CLCN5: variants seen among roughly 807,000 people sequenced by gnomAD.
CLCN5 encodes the protein H(+)/Cl(-) exchange transporter 5.
Under a neutral mutation model 54.0 loss-of-function variants are expected in CLCN5, and 17 were observed. That is an observed-to-expected ratio of 0.31 (90% confidence interval 0.22 to 0.47). The LOEUF (loss-of-function observed/expected upper bound fraction) is 0.47. Among genes scored for constraint, CLCN5 ranks in the 20% least tolerant of loss-of-function variants. The pLI is 1.00. For synonymous variants in CLCN5, 222 were observed against 233.0 expected, an observed-to-expected ratio of 0.95 and a Z score of 0.43; for missense variants, 448 against 646.7, an observed-to-expected ratio of 0.69 and a Z score of 3.33.
chrX:50,075,712 T>A (rs887332237), intron 6 of CLCN5, 83 bp from the exon 7 acceptor site: 5 of 888,281 alleles, frequency 5.6e-6, no homozygotes, highest in Non-Finnish European at 6.7e-6. Context: ...TCATTTTCTC[T>A]GACAAAGCTT....
At chrX:49,929,517 A>C (rs782592318) in intron 3 of CLCN5, among the ~76,000 whole-genome samples, 51 of 112,007 alleles carry the variant, frequency 4.6e-4, no homozygotes, top group Non-Finnish European at 8.1e-4. Flanking sequence ...AATGGAACTT[A>C]AGAACCAGGA....
chrX:50,047,896 T>C (rs782736248), intron 4 of CLCN5, among the ~76,000 whole-genome samples: 1 of 112,242 alleles, frequency 8.9e-6, no homozygotes, highest in African/African-American at 3.2e-5. Flanking sequence ...ATATGACTTA[T>C]CACTGTTGAT....
intron 3 of CLCN5, among the ~76,000 whole-genome samples, chrX:50,008,251 T>C (rs1354708293): frequency 8.9e-6 from 1 of 112,530 alleles, no homozygotes; most frequent in Non-Finnish European, 1.9e-5. Context: ...CCAGTCTCTT[T>C]ATAGGTTTAT....
At chrX:50,067,575 A>C in intron 4 of CLCN5, 1 of 753,311 alleles carries the variant, frequency 1.3e-6, no homozygotes, top group Non-Finnish European at 1.6e-6. Context: ...TCTGACCGCC[A>C]GGGAACACTG....
At chrX:49,936,461 T>C (rs142367861) in intron 3 of CLCN5, among the ~76,000 whole-genome samples, 4 of 112,179 alleles carry the variant, frequency 3.6e-5, no homozygotes, top group Non-Finnish European at 7.5e-5. Context: ...GGAGCTGGGT[T>C]AATACTGAGG....
At chrX:49,982,452 C>T (rs1557177788) in intron 3 of CLCN5, among the ~76,000 whole-genome samples, 1 of 110,902 alleles carries the variant, frequency 9.0e-6, no homozygotes, top group East Asian at 2.8e-4. Flanking sequence ...AACATAAACC[C>T]CCCTTTTCAG....
chrX:49,938,342 G>A (rs1288117171), intron 3 of CLCN5, among the ~76,000 whole-genome samples: 1 of 111,676 alleles, frequency 9.0e-6, no homozygotes, highest in African/African-American at 3.3e-5. Context: ...TCATTCCTAA[G>A]CCAAAAGAAC....
intron 3 of CLCN5, among the ~76,000 whole-genome samples, chrX:49,988,615 A>AT (rs781898586): frequency 3.2e-4 from 36 of 111,352 alleles, no homozygotes; most frequent in African/African-American, 1.1e-3. Context: ...TGCTCTTTTA[A>AT]TTTTTTTTAA....
chrX:50,067,091 C>T (rs1557190992), intron 4 of CLCN5, among the ~76,000 whole-genome samples: 2 of 110,993 alleles, frequency 1.8e-5, no homozygotes, highest in East Asian at 2.8e-4. Context: ...TTACTTTTGC[C>T]ATTTCCTTGC....
At chrX:50,040,876 A>G (rs1557187063) in intron 3 of CLCN5, among the ~76,000 whole-genome samples, 1 of 112,021 alleles carries the variant, frequency 8.9e-6, no homozygotes. Context: ...TCTTTATCAC[A>G]AATGAGGTAT....
intron 3 of CLCN5, among the ~76,000 whole-genome samples, chrX:49,962,160 ATAAAC>A (rs1174495486): frequency 3.6e-5 from 4 of 112,096 alleles, no homozygotes; most frequent in Non-Finnish European, 7.5e-5. Flanking sequence ...ATGAATAAAA[ATAAAC>A]TAAAAGATGC....
chrX:50,078,877 C>T (rs1933554316), intron 7 of CLCN5, among the ~76,000 whole-genome samples: 2 of 112,111 alleles, frequency 1.8e-5, no homozygotes, highest in Non-Finnish European at 3.8e-5. Context: ...GGCTGGAGTG[C>T]AGTGGTGCGA....
intron 4 of CLCN5, among the ~76,000 whole-genome samples, chrX:50,068,744 A>T (rs1933124560): frequency 9.0e-6 from 1 of 110,700 alleles, no homozygotes; most frequent in Admixed American, 9.6e-5. Flanking sequence ...CTGCAGAGGG[A>T]TTCATTACCA....
At chrX:49,924,838 A>G (rs1421077268) in intron 2 of CLCN5, among the ~76,000 whole-genome samples, 2 of 112,086 alleles carry the variant, frequency 1.8e-5, no homozygotes, top group Non-Finnish European at 3.8e-5. Flanking sequence ...GGCACTGGAT[A>G]TTAATGTTGC....
chrX:49,944,942 G>A (rs1010754261), intron 3 of CLCN5, among the ~76,000 whole-genome samples: 19 of 112,107 alleles, frequency 1.7e-4, no homozygotes, highest in Non-Finnish European at 3.6e-4. Context: ...GAACTCCTGC[G>A]TCTGTTATTA....
intron 7 of CLCN5, among the ~76,000 whole-genome samples, chrX:50,079,960 G>A (rs1315512833): frequency 9.0e-6 from 1 of 111,401 alleles, no homozygotes; most frequent in African/African-American, 3.3e-5. Context: ...AGGTAACTAT[G>A]GAAGGTGATA....
At chrX:49,985,158 T>C (rs781999607) in intron 3 of CLCN5, among the ~76,000 whole-genome samples, 1 of 111,954 alleles carries the variant, frequency 8.9e-6, no homozygotes, top group South Asian at 3.7e-4. Context: ...TTATCAATTT[T>C]ATTCGTTTTT....
Position 50,067,206 on chromosome X carries a change from T to C in CLCN5, c.164-2673T>C, listed in dbSNP as rs1933055463. 5.3e-5 allele frequency among the ~76,000 whole-genome samples: 6 copies of C among 112,177 alleles called. No homozygotes were observed. In the Admixed American group the frequency reaches 5.7e-4, roughly 11 times the overall value. On this transcript the variant is annotated intron_variant, in intron 4 of 14. Transcript: ENST00000376091. ...AGAATCGTAATGAATGTTTTGTGCA[T>C]TTTTGTGTCTGGTATCTTTCACTCA...
rs1925278373 is a variant in CLCN5, at chrX:49,925,154, T to C, written c.-128-17T>C. The C allele has an allele frequency of 2.2e-5, 13 of 600,146 alleles. No homozygotes were observed. In the Admixed American group the frequency reaches 3.5e-4, roughly 16 times the overall value. 49.5% of individuals were successfully genotyped at this position (600,146 alleles called of 1,213,427 possible). ...ATAGTTTCTTTTAGGTATTCATTTT[T>C]CTGTTTACATTTTCAGGTTTGGGGC... On this transcript the variant is annotated splice_polypyrimidine_tract_variant and intron_variant, in intron 2 of 14. Coordinates refer to ENST00000376091, the MANE Select transcript of CLCN5 (RefSeq NM_001127898.4).
Sources: gnomAD v4.1 joint callset for allele counts (sites outside exome capture counted in the v4.1 genomes callset) on GRCh38, gnomAD v4.1.1 for gene constraint, MANE v1.5 for transcripts, NCBI Gene and HGNC (gene_info 2026-07-23, HGNC 2026-07-21) for gene names.